SUGCT: variants seen among roughly 807,000 people sequenced by gnomAD.
The protein encoded by SUGCT is succinyl-CoA:glutarate-CoA transferase, also known as succinyl-CoA:glutarate CoA-transferase.
A neutral mutation model predicts 55.0 loss-of-function variants in SUGCT; 41 were observed. That is an observed-to-expected ratio of 0.74 (90% CI 0.58 to 0.97). SUGCT has a LOEUF of 0.97. Ranked by LOEUF, SUGCT falls within the 50% of genes least tolerant of loss-of-function variation. The pLI is 0.00. For missense variants in SUGCT, 568 were observed against 547.8 expected (o/e 1.04, Z -0.37); for synonymous variants, 187 against 200.4 (o/e 0.93, Z 0.56).
chr7:40,346,974 G>A (rs928873078), intron 9 of SUGCT, among the ~76,000 whole-genome samples: 11 of 152,164 alleles, frequency 7.2e-5, no homozygotes, highest in Non-Finnish European at 1.5e-5. Flanking sequence ...CCAGTCTATG[G>A]TATTTTGTTA....
chr7:40,507,586 G>A (rs1319249396), intron 12 of SUGCT, among the ~76,000 whole-genome samples: 1 of 152,138 alleles, frequency 6.6e-6, no homozygotes, highest in African/African-American at 2.4e-5. Context: ...CCAGCCTTTA[G>A]ATATGGACAT....
intron 12 of SUGCT, among the ~76,000 whole-genome samples, chr7:40,748,233 G>T (rs1787832605): frequency 6.6e-6 from 1 of 152,028 alleles, no homozygotes; most frequent in Non-Finnish European, 1.5e-5. Flanking sequence ...AGATTTAGTA[G>T]ATTTAATGTT....
At chr7:40,631,472 C>T (rs184032300) in intron 12 of SUGCT, among the ~76,000 whole-genome samples, 1 of 152,274 alleles carries the variant, frequency 6.6e-6, no homozygotes, top group Non-Finnish European at 1.5e-5. Context: ...GGTTTTCACT[C>T]ATCAAAGAAC....
chr7:40,287,849 A>C (rs895181076), intron 8 of SUGCT, among the ~76,000 whole-genome samples: 3 of 152,128 alleles, frequency 2.0e-5, no homozygotes, highest in Non-Finnish European at 4.4e-5. Context: ...TTCCTAGTTT[A>C]CTGACTGTTT....
the SUGCT span, among the ~76,000 whole-genome samples, chr7:40,992,344 G>A: frequency 2.6e-5 from 4 of 152,106 alleles, no homozygotes; most frequent in Admixed American, 2.0e-4. Context: ...ACAACCAGAG[G>A]TCACTTTCAT....
chr7:40,335,422 A>C (rs542744902), intron 9 of SUGCT, among the ~76,000 whole-genome samples: 8 of 150,994 alleles, frequency 5.3e-5, no homozygotes, highest in African/African-American at 2.0e-4. Context: ...CTTTTATTTC[A>C]TTGAGCAGTG....
the SUGCT span, among the ~76,000 whole-genome samples, chr7:40,927,040 C>A: frequency 6.6e-6 from 1 of 152,088 alleles, no homozygotes; most frequent in Non-Finnish European, 1.5e-5. Flanking sequence ...TTCAAAATCT[C>A]AATATGGGAA....
chr7:40,278,909 C>G (rs1170636653), intron 8 of SUGCT, among the ~76,000 whole-genome samples: 4 of 151,840 alleles, frequency 2.6e-5, no homozygotes, highest in South Asian at 2.1e-4. Flanking sequence ...TCACTGAAAC[C>G]TCGAACTCCT....
At chr7:40,537,858 C>T (rs1794453848) in intron 12 of SUGCT, among the ~76,000 whole-genome samples, 1 of 152,048 alleles carries the variant, frequency 6.6e-6, no homozygotes, top group African/African-American at 2.4e-5. Flanking sequence ...ACATTATGAG[C>T]AAGAGAATTG....
chr7:40,192,497 A>G (rs771155142), intron 5 of SUGCT, among the ~76,000 whole-genome samples: 5 of 152,204 alleles, frequency 3.3e-5, no homozygotes, highest in Non-Finnish European at 7.3e-5. Flanking sequence ...TTATTTTCCT[A>G]TAACATTTTG....
intron 7 of SUGCT, among the ~76,000 whole-genome samples, chr7:40,259,621 C>T (rs745772490): frequency 5.3e-5 from 8 of 152,096 alleles, no homozygotes; most frequent in Non-Finnish European, 7.4e-5. Context: ...CAGCATCACA[C>T]GAGGTATATG....
chr7:40,874,344 T>C, the SUGCT span, among the ~76,000 whole-genome samples: 2 of 152,348 alleles, frequency 1.3e-5, no homozygotes, highest in African/African-American at 4.8e-5. Flanking sequence ...TTTGAGACAG[T>C]AGGGGCCTAG....
At chr7:40,935,098 A>G in the SUGCT span, among the ~76,000 whole-genome samples, 1 of 152,208 alleles carries the variant, frequency 6.6e-6, no homozygotes, top group African/African-American at 2.4e-5. Context: ...CTCACTGATA[A>G]GTGAATAGAA....
chr7:40,677,943 G>T (rs1784075514), intron 12 of SUGCT, among the ~76,000 whole-genome samples: 1 of 152,188 alleles, frequency 6.6e-6, no homozygotes, highest in Admixed American at 6.5e-5. Flanking sequence ...TGCAGGTGCT[G>T]CTTCCAAAGT....
chr7:40,176,691 G>A (rs1267062328), intron 1 of SUGCT, among the ~76,000 whole-genome samples: 1 of 151,092 alleles, frequency 6.6e-6, no homozygotes, highest in African/African-American at 2.4e-5. Context: ...CTAAATTTCA[G>A]GCCAGGCACG....
intron 12 of SUGCT, among the ~76,000 whole-genome samples, chr7:40,746,706 G>A (rs1430793334): frequency 6.6e-6 from 1 of 152,178 alleles, no homozygotes; most frequent in African/African-American, 2.4e-5. Context: ...GCTAGCTTTT[G>A]CTTCACAAAA....
At chr7:41,022,179 G>A in the SUGCT span, among the ~76,000 whole-genome samples, 2 of 152,086 alleles carry the variant, frequency 1.3e-5, no homozygotes, top group African/African-American at 4.8e-5. Flanking sequence ...GACTGCCAAA[G>A]ACAGGCAGAA....
the SUGCT span, among the ~76,000 whole-genome samples, chr7:41,033,978 A>G: frequency 1.3e-5 from 2 of 152,070 alleles, no homozygotes; most frequent in Non-Finnish European, 1.5e-5. Flanking sequence ...GAAGGATGAG[A>G]TTGTCAAAAT....
chr7:41,017,158 A>G, the SUGCT span, among the ~76,000 whole-genome samples: 55 of 152,284 alleles, frequency 3.6e-4, no homozygotes, highest in Middle Eastern at 3.4e-3. Flanking sequence ...GCAAAGCAAT[A>G]CAGACGTCTA....
Sources: gnomAD v4.1 joint callset for allele counts (sites outside exome capture counted in the v4.1 genomes callset) on GRCh38, gnomAD v4.1.1 for gene constraint, MANE v1.5 for transcripts, NCBI Gene and HGNC (gene_info 2026-07-23, HGNC 2026-07-21) for gene names.